The following TASOR variants were observed in gnomAD, a reference collection of about 807,000 sequenced individuals.
The protein encoded by TASOR is protein TASOR.
A neutral mutation model predicts 178.6 loss-of-function variants in TASOR; 53 were observed. The observed-to-expected ratio is 0.30, with a 90% confidence interval of 0.24 to 0.37. The LOEUF is 0.37. Among genes scored for constraint, TASOR ranks in the 10% least tolerant of loss-of-function variants. The pLI is 1.00. For missense variants in TASOR, 1,815 were observed against 1,971.4 expected (o/e 0.92, Z 1.50); for synonymous variants, 713 against 696.2 (o/e 1.02, Z -0.38).
At chr3:56,666,456 T>C in intron 6 of TASOR, 72 bp from the exon 7 acceptor site, 1 of 1,219,918 alleles carries the variant, frequency 8.2e-7, no homozygotes, top group Non-Finnish European at 1.1e-6. Flanking sequence ...ACTGCCTGAT[T>C]TCTGAGAAAT....
intron 6 of TASOR, among the ~76,000 whole-genome samples, chr3:56,666,741 A>G (rs11130538): frequency 0.32 from 48,072 of 152,034 alleles, 8,035 homozygotes; most frequent in East Asian, 0.49. Flanking sequence ...TAAGAACACA[A>G]TCTCAACTAA....
intron 11 of TASOR, among the ~76,000 whole-genome samples, chr3:56,657,967 A>G (rs570919623): frequency 1.3e-5 from 2 of 152,360 alleles, no homozygotes; most frequent in African/African-American, 4.8e-5. Context: ...TAGGGAGTTA[A>G]GGACTAAGGC....
intron 6 of TASOR, 84 bp downstream of exon 6, chr3:56,668,313 A>G (rs2030280007): frequency 7.7e-7 from 1 of 1,302,160 alleles, no homozygotes. Flanking sequence ...GTGGGGACAG[A>G]GAGAACTGAA....
chr3:56,670,837 T>C (rs971399712), intron 3 of TASOR, among the ~76,000 whole-genome samples: 17 of 143,592 alleles, frequency 1.2e-4, no homozygotes, highest in African/African-American at 4.5e-4. Flanking sequence ...CTCGGGAGGC[T>C]GAGGCACAAG....
intron 13 of TASOR, among the ~76,000 whole-genome samples, chr3:56,648,342 C>T (rs1246575381): frequency 3.3e-5 from 5 of 151,934 alleles, no homozygotes; most frequent in Admixed American, 6.6e-5. Context: ...TAAAAAAAAT[C>T]GTCAGCCAGG....
intron 16 of TASOR, 65 bp from the exon 17 acceptor site, chr3:56,638,830 G>GTT (rs2077067053): frequency 1.4e-6 from 2 of 1,475,178 alleles, no homozygotes; most frequent in Admixed American, 3.4e-5. Context: ...GCACCTTTCA[G>GTT]ACAACCCCAA....
intron 3 of TASOR, 126 bp from the exon 4 acceptor site, chr3:56,670,271 A>C: frequency 1.9e-6 from 1 of 532,122 alleles, no homozygotes; most frequent in Non-Finnish European, 3.3e-6. Context: ...TAGATCACAG[A>C]AATCTTATAT....
At position 56,633,777 on chromosome 3, in the gene TASOR, G is replaced by C. The variant is rs780969414; in HGVS notation, c.3014C>G (p.Ala1005Gly). The C allele has an allele frequency of 1.2e-6, 2 of 1,614,156 alleles. No individual in the cohort carries two copies. Among genetic ancestry groups the C allele is most frequent in the Non-Finnish European group, 1.7e-6 (2 of 1,180,018 alleles). Reference protein sequence around the residue: ...TGQVEEQCVPAAEAEPPAVSE... With the variant: ...TGQVEEQCVPGAEAEPPAVSE... ...CACTGCAGGCGGCTCTGCCTCTGCT[G>C]CTGGCACACACTGCTCCTCCACCTG... The change falls in exon 18 of 24, where the codon GCA (alanine) becomes GGA (glycine). Residue 1005 changes from alanine to glycine, a missense_variant. Around this residue, in one of 5 missense-constraint regions of TASOR, gnomAD observed 655 missense variants for 671.1 expected, o/e 0.98. Coordinates refer to ENST00000683822, the MANE Select transcript of TASOR (RefSeq NM_001365635.2).
In TASOR at chr3:56,647,224, C is replaced by A; in HGVS notation, c.1514-1G>T. The A allele has an allele frequency of 6.6e-7, 1 of 1,519,098 alleles. No homozygotes were observed. The highest frequency in any genetic ancestry group is 1.4e-5 in the South Asian group (1 of 73,406). 94.1% of individuals were successfully genotyped at this position (1,519,098 alleles called of 1,614,324 possible). ...GCTGCATTGGTTGAACCTTTTTGTG[C>A]TGTAAATAAAACAAACAAACAAAAA... On this transcript the variant is annotated splice_acceptor_variant, in intron 13 of 23. Coordinates refer to ENST00000683822, the MANE Select transcript of TASOR (RefSeq NM_001365635.2). LOFTEE classifies it high-confidence loss of function.
At chr3:56,635,499 C>T (rs2076998448) in intron 17 of TASOR, among the ~76,000 whole-genome samples, 1 of 152,038 alleles carries the variant, frequency 6.6e-6, no homozygotes, top group Non-Finnish European at 1.5e-5. Context: ...CTAAGTGTTC[C>T]GGGCTGGGGC....
intron 6 of TASOR, among the ~76,000 whole-genome samples, chr3:56,667,745 G>A (rs2030197015): frequency 6.6e-6 from 1 of 152,070 alleles, no homozygotes; most frequent in Non-Finnish European, 1.5e-5. Flanking sequence ...AGACCAGCCT[G>A]GGCAAAACAG....
intron 17 of TASOR, among the ~76,000 whole-genome samples, chr3:56,635,589 T>A (rs1258904394): frequency 1.3e-5 from 2 of 152,162 alleles, no homozygotes; most frequent in African/African-American, 2.4e-5. Context: ...AGAAAAAAAA[T>A]TGAATTGCAT....
rs1578180297 is a variant in TASOR, at chr3:56,624,874, T to C, written c.4272A>G (p.Arg1424=). The change falls in exon 22 of 24, where the codon AGA becomes AGG. Residue 1424 remains arginine, a synonymous_variant. Coordinates refer to ENST00000683822, the MANE Select transcript of TASOR (RefSeq NM_001365635.2). ...RNAPELDCLI[R]LQAQNIQQRH... ...GTTGCTGTATGTTCTGAGCCTGAAG[T>C]CTGATAAGGCAATCCAATTCTGGAG... 6.2e-7 allele frequency: 1 copy of C among 1,614,184 alleles called. No homozygotes were observed. Among genetic ancestry groups the C allele is most frequent in the Non-Finnish European group, 8.5e-7 (1 of 1,180,018 alleles).
At chr3:56,629,155 CCAAT>C (rs2076860161) in intron 18 of TASOR, 1 of 152,260 alleles carries the variant, frequency 6.6e-6, no homozygotes, top group African/African-American at 2.4e-5. Flanking sequence ...CAGAGCTTCA[CCAAT>C]CACACAGTCA....
Position 56,633,935 on chromosome 3 carries a change from A to G in TASOR, c.2856T>C (p.Cys952=), listed in dbSNP as rs1407135188. Residue 952 remains cysteine, a synonymous_variant, in exon 18 of 24, where the codon TGT becomes TGC. Coordinates refer to ENST00000683822, the MANE Select transcript of TASOR (RefSeq NM_001365635.2). The part of the protein sequence containing the change: ...GMKSPEEQLV[C]VPPQEAFPND... Reference sequence around the variant, plus strand: ...TAGGAAAGGCCTCCTGTGGTGGCACACACACCAGTTGTTCTTCTGGTGATT... The same window carrying G: ...TAGGAAAGGCCTCCTGTGGTGGCACGCACACCAGTTGTTCTTCTGGTGATT... The G allele has an allele frequency of 1.9e-6, 3 of 1,554,370 alleles. No homozygotes were observed. The highest frequency in any genetic ancestry group is 1.2e-5 in the South Asian group (1 of 84,520).
At chr3:56,642,987 A>T (rs2077158599) in intron 14 of TASOR, among the ~76,000 whole-genome samples, 1 of 151,490 alleles carries the variant, frequency 6.6e-6, no homozygotes, top group African/African-American at 2.4e-5. Context: ...AAAAAAAAAA[A>T]TTCTATAGGC....
At chr3:56,673,010 C>T (rs1057088978) in intron 2 of TASOR, among the ~76,000 whole-genome samples, 9 of 151,896 alleles carry the variant, frequency 5.9e-5, no homozygotes, top group African/African-American at 2.2e-4. Context: ...CGGGTTTTGC[C>T]ACGTTGGCCA....
At chr3:56,655,229 T>C (rs1224024275) in intron 11 of TASOR, among the ~76,000 whole-genome samples, 1 of 152,156 alleles carries the variant, frequency 6.6e-6, no homozygotes, top group Admixed American at 6.5e-5. Context: ...AAGGCAAGAA[T>C]GCCCAAAATC....
At chr3:56,653,813 TA>T (rs964186871) in intron 11 of TASOR, among the ~76,000 whole-genome samples, 18 of 151,126 alleles carry the variant, frequency 1.2e-4, no homozygotes, top group African/African-American at 1.7e-4. Context: ...ATATCAAAGT[TA>T]AAAAAAAATT....
Sources: allele counts gnomAD v4.1 joint callset (sites outside exome capture counted in the v4.1 genomes callset), GRCh38; gene constraint gnomAD v4.1.1; regional missense constraint gnomAD v4.1.1; transcripts MANE v1.5; gene names NCBI Gene and HGNC (gene_info 2026-07-23, HGNC 2026-07-21).